The following PCDHGB6 variants were observed in gnomAD, a reference collection of about 807,000 sequenced individuals.
PCDHGB6 encodes the protein protocadherin gamma subfamily B, 6.
PCDHGB6 carries 51 observed loss-of-function variants against 59.1 expected under a neutral mutation model. The observed-to-expected ratio is 0.86, with a 90% CI of 0.69 to 1.09. The LOEUF (loss-of-function observed/expected upper bound fraction) is 1.09, where lower values mean the gene tolerates loss of function less well. PCDHGB6 is among the 50% of genes least tolerant of loss of function. The pLI, the probability that PCDHGB6 is intolerant of heterozygous loss-of-function variation, is 0.00. For missense variants in PCDHGB6, 1,148 were observed against 1,205.1 expected (o/e 0.95, Z 0.70); for synonymous variants, 466 against 495.1 (o/e 0.94, Z 0.78).
chr5:141,501,288 T>TACAC (rs1562199973), intron 2 of PCDHGB6, among the ~76,000 whole-genome samples: 2 of 81,228 alleles, frequency 2.5e-5, no homozygotes, highest in Admixed American at 1.6e-4. Flanking sequence ...GATATTCCCT[T>TACAC]ATACACACAC....
intron 1 of PCDHGB6, chr5:141,414,597 C>G: frequency 6.2e-7 from 1 of 1,613,972 alleles, no homozygotes; most frequent in South Asian, 1.1e-5. Context: ...GGGGTGCCTC[C>G]ATCTTCTCAG....
intron 1 of PCDHGB6, chr5:141,423,720 A>T: frequency 3.1e-6 from 3 of 957,770 alleles, no homozygotes; most frequent in Admixed American, 5.5e-5. Context: ...TTTTAAGGAG[A>T]TGTTTTTTGA....
Position 141,476,075 on chromosome 5 carries a change from G to T in PCDHGB6, c.2419-18732G>T. ...TGAAAGTTTCTCAGCGAAATCTCAG[G>T]GACGATCTGGACCCCGCTGAGAGGA... On this transcript the variant is annotated intron_variant, in intron 1 of 3. Coordinates refer to ENST00000520790, the MANE Select transcript of PCDHGB6 (RefSeq NM_018926.3). This position sits in a 1 kb window ranked among gnomAD's most constrained non-coding sequence, Gnocchi z 7.6. The T allele has an allele frequency of 6.6e-7, 1 of 1,526,282 alleles. No homozygotes were observed. The highest frequency in any genetic ancestry group is 1.3e-5 in the South Asian group (1 of 78,462). The allele number at this position is 1,526,282 out of a possible 1,614,324, so 94.5% of individuals were successfully genotyped here.
intron 1 of PCDHGB6, chr5:141,414,379 A>G (rs2095740987): frequency 1.2e-6 from 2 of 1,613,912 alleles, no homozygotes; most frequent in African/African-American, 1.3e-5. Context: ...AGAAAAGTCC[A>G]TTGACAGTTA....
intron 1 of PCDHGB6, among the ~76,000 whole-genome samples, chr5:141,420,845 G>A (rs1038454602): frequency 6.6e-6 from 1 of 152,200 alleles, no homozygotes; most frequent in African/African-American, 2.4e-5. Flanking sequence ...GGTGTTCTTG[G>A]TAAAGTTTTA....
chr5:141,489,275 A>C lies in PCDHGB6; in HGVS notation c.2419-5532A>C. On this transcript the variant is annotated intron_variant, in intron 1 of 3. Transcript: ENST00000520790. This position sits in a 1 kb window ranked among gnomAD's most constrained non-coding sequence, Gnocchi z 4.5. ...AAGACACTCCCACAGCTCGCTGGGA[A>C]ATGGCAAGTGCTGTGCATGTTGTCC... The C allele has an allele frequency of 4.5e-6, 7 of 1,556,298 alleles. No individual in the cohort carries two copies. Among genetic ancestry groups the C allele is most frequent in the Non-Finnish European group, 6.1e-6 (7 of 1,151,600 alleles).
rs994740663 is a variant in PCDHGB6, at chr5:141,477,022, G to T, written c.2419-17785G>T. ...TATTCGCCTTAGACCTTGTAACCGG[G>T]ATGCTGACAATCAAGGGTCGGCTGG... On this transcript the variant is annotated intron_variant, in intron 1 of 3. Transcript: ENST00000520790. The surrounding 1 kb of genome is among the most constrained non-coding windows in gnomAD (Gnocchi z 4.9). 6.2e-7 allele frequency: 1 copy of T among 1,614,240 alleles called. No homozygotes were observed. Among genetic ancestry groups the T allele is most frequent in the African/African-American group, 1.3e-5 (1 of 75,074 alleles).
intron 1 of PCDHGB6, chr5:141,418,673 G>A (rs2096279740): frequency 5.0e-6 from 8 of 1,614,026 alleles, no homozygotes; most frequent in Non-Finnish European, 6.8e-6. Context: ...CCAGGACGAG[G>A]GCATCAACTC....
intron 1 of PCDHGB6, chr5:141,471,509 TA>T (rs1211467109): frequency 6.6e-6 from 1 of 152,008 alleles, no homozygotes; most frequent in Non-Finnish European, 1.5e-5. Context: ...AGAGAGGGAG[TA>T]AAAATAACAG....
chr5:141,432,700 G>A lies in PCDHGB6; in HGVS notation c.2418+22080G>A. On this transcript the variant is annotated intron_variant, in intron 1 of 3. Transcript: ENST00000520790. The surrounding 1 kb of genome is among the most constrained non-coding windows in gnomAD (Gnocchi z 6.0). ...AGCAGAGCCTCGTAGTGGCCGTCCAGGACCACGGCCAGCCCCCTCTCTCCG... is the reference window on the plus strand; with the variant it reads ...AGCAGAGCCTCGTAGTGGCCGTCCAAGACCACGGCCAGCCCCCTCTCTCCG... The A allele has an allele frequency of 6.2e-7, 1 of 1,613,980 alleles. No individual in the cohort carries two copies. The highest frequency in any genetic ancestry group is 8.5e-7 in the Non-Finnish European group (1 of 1,179,978).
At position 141,430,974 on chromosome 5, in the gene PCDHGB6, C is replaced by T. The variant is rs141488923; in HGVS notation, c.2418+20354C>T. The T allele has an allele frequency of 7.0e-4, 1,130 of 1,613,070 alleles. 8 individuals carry two copies. In the African/African-American group the frequency reaches 0.014, roughly 19 times the overall value. On this transcript the variant is annotated intron_variant, in intron 1 of 3. Transcript: ENST00000520790. ...GTCCGCATCATCCCCAGAGGTAGGA[C>T]GCAGCTTTTCGCCCTGAATCCGCGC...
chr5:141,427,606 G>A (rs965315804), intron 1 of PCDHGB6: 2 of 688,192 alleles, frequency 2.9e-6, no homozygotes, highest in African/African-American at 3.5e-5. Flanking sequence ...CTACGCATTG[G>A]TGAAGTCAAC....
In PCDHGB6 at chr5:141,454,796, A is replaced by ATTTT. The variant is rs61612330; in HGVS notation, c.2419-39985_2419-39982dup. Among the ~76,000 whole-genome samples, 123 of 77,452 alleles carry ATTTT rather than the reference A, an allele frequency of 1.6e-3. 16 individuals are homozygous for ATTTT. The highest frequency in any genetic ancestry group is 7.2e-3 in the South Asian group (14 of 1,958). 50.8% of individuals were successfully genotyped at this position (77,452 alleles called of 152,430 possible). On this transcript the variant is annotated intron_variant, in intron 1 of 3. Coordinates refer to ENST00000520790, the MANE Select transcript of PCDHGB6 (RefSeq NM_018926.3). ...AAGGAAATAATCCTCCATGGTTCTAATTTTTTTTTTTTTTTTTTTTTTTTT... is the reference window on the plus strand; with the variant it reads ...AAGGAAATAATCCTCCATGGTTCTAATTTTTTTTTTTTTTTTTTTTTTTTTTTTT...
At chr5:141,495,073 C>T (rs1464039604) in intron 2 of PCDHGB6, among the ~76,000 whole-genome samples, 1 of 152,186 alleles carries the variant, frequency 6.6e-6, no homozygotes, top group Non-Finnish European at 1.5e-5. Flanking sequence ...GCTCAATTCA[C>T]ATGCTTGCCC....
intron 1 of PCDHGB6, chr5:141,418,346 A>G (rs780933957): frequency 1.7e-5 from 27 of 1,614,022 alleles, no homozygotes; most frequent in South Asian, 2.2e-5. Flanking sequence ...TCCTGATATT[A>G]GTATGAATTC....
intron 1 of PCDHGB6, among the ~76,000 whole-genome samples, chr5:141,468,047 G>A (rs901583535): frequency 2.0e-5 from 3 of 152,050 alleles, no homozygotes; most frequent in Non-Finnish European, 2.9e-5. Context: ...AAACTAAGCC[G>A]GGCACAGTGG....
At chr5:141,501,290 TACACACACACACACACAC>T (rs55762287) in intron 2 of PCDHGB6, among the ~76,000 whole-genome samples, 6 of 136,162 alleles carry the variant, frequency 4.4e-5, no homozygotes, top group South Asian at 2.4e-4. Flanking sequence ...TATTCCCTTA[TACACACACACACACACAC>T]ACACACACAC....
At chr5:141,467,571 A>G (rs1228156610) in intron 1 of PCDHGB6, among the ~76,000 whole-genome samples, 1 of 152,212 alleles carries the variant, frequency 6.6e-6, no homozygotes, top group South Asian at 2.1e-4. Flanking sequence ...ATGGCTATCC[A>G]GTTGTCCCAA....
Position 141,491,414 on chromosome 5 carries a change from G to A in PCDHGB6, c.2419-3393G>A. On this transcript the variant is annotated intron_variant, in intron 1 of 3. Coordinates refer to ENST00000520790, the MANE Select transcript of PCDHGB6 (RefSeq NM_018926.3). The surrounding 1 kb of genome is among the most constrained non-coding windows in gnomAD (Gnocchi z 6.9). ...CTTCAGGGAAACGCAGACGGGGACGGGGGTGGAGGGCAGTGCTGCAGGCGC... is the reference window on the plus strand; with the variant it reads ...CTTCAGGGAAACGCAGACGGGGACGAGGGTGGAGGGCAGTGCTGCAGGCGC... 2 of 1,614,126 alleles carry A rather than the reference G, an allele frequency of 1.2e-6. No individual in the cohort carries two copies. Among genetic ancestry groups the A allele is most frequent in the Non-Finnish European group, 1.7e-6 (2 of 1,180,022 alleles).
Sources: gnomAD v4.1 joint callset for allele counts (sites outside exome capture counted in the v4.1 genomes callset) on GRCh38, gnomAD v4.1.1 for gene constraint, Gnocchi (gnomAD v3.1) non-coding constraint, MANE v1.5 for transcripts, NCBI Gene and HGNC (gene_info 2026-07-23, HGNC 2026-07-21) for gene names.